The following FHIT variants were observed in gnomAD, a reference collection of about 807,000 sequenced individuals.
The protein encoded by FHIT is fragile histidine triad diadenosine triphosphatase, also known as bis(5'-adenosyl)-triphosphatase.
In FHIT, 19 loss-of-function variants were observed where a neutral mutation model predicts 17.9. That is an observed-to-expected ratio of 1.06 (90% CI 0.74 to 1.56). The LOEUF (loss-of-function observed/expected upper bound fraction) is 1.56. FHIT is among the 40% of genes most tolerant of loss of function. The pLI, the probability that FHIT is intolerant of heterozygous loss-of-function variation, is 0.00. For missense variants in FHIT, 248 were observed against 189.2 expected, an observed-to-expected ratio of 1.31 and a Z score of -1.82; for synonymous variants, 81 against 69.7, an observed-to-expected ratio of 1.16 and a Z score of -0.81.
chr3:61,186,589 G>A (rs1446500569), intron 2 of FHIT, among the ~76,000 whole-genome samples: 5 of 152,154 alleles, frequency 3.3e-5, no homozygotes, highest in African/African-American at 2.4e-5. Context: ...CTTTAGGATG[G>A]GATGCTGAGA....
At chr3:60,688,639 C>T (rs547458822) in intron 4 of FHIT, among the ~76,000 whole-genome samples, 1 of 151,854 alleles carries the variant, frequency 6.6e-6, no homozygotes, top group Non-Finnish European at 1.5e-5. Context: ...TCCATATTGG[C>T]CAGGCTGGTC....
At chr3:60,434,568 G>C (rs2030038116) in intron 5 of FHIT, among the ~76,000 whole-genome samples, 1 of 152,022 alleles carries the variant, frequency 6.6e-6, no homozygotes, top group African/African-American at 2.4e-5. Context: ...CCTTGCCACT[G>C]AAAATGCTAC....
At chr3:60,437,712 C>T (rs2030401843) in intron 5 of FHIT, among the ~76,000 whole-genome samples, 1 of 152,020 alleles carries the variant, frequency 6.6e-6, no homozygotes, top group African/African-American at 2.4e-5. Flanking sequence ...GTATGTAGTT[C>T]TAAGATATAA....
intron 4 of FHIT, among the ~76,000 whole-genome samples, chr3:60,582,337 G>A (rs893385883): frequency 6.6e-6 from 1 of 152,052 alleles, no homozygotes; most frequent in Non-Finnish European, 1.5e-5. Flanking sequence ...GCAGACTGGT[G>A]GCATTCAGAG....
At chr3:60,310,062 G>T (rs371377332) in intron 5 of FHIT, among the ~76,000 whole-genome samples, 2 of 152,254 alleles carry the variant, frequency 1.3e-5, no homozygotes, top group East Asian at 1.9e-4. Context: ...CATGCAGGCA[G>T]AGCAGGCAGG....
chr3:59,986,530 T>TAC (rs1559523573), intron 7 of FHIT, among the ~76,000 whole-genome samples: 26 of 4,456 alleles, frequency 5.8e-3, no homozygotes, highest in African/African-American at 0.016. Context: ...TATATATATA[T>TAC]ATATATATAT....
chr3:60,063,311 T>G (rs1702368742), intron 5 of FHIT, among the ~76,000 whole-genome samples: 2 of 152,186 alleles, frequency 1.3e-5, no homozygotes, highest in Non-Finnish European at 2.9e-5. Flanking sequence ...TAAATGAGAC[T>G]GAATATAAGC....
intron 7 of FHIT, among the ~76,000 whole-genome samples, chr3:59,941,540 G>C (rs1329839109): frequency 6.6e-6 from 1 of 152,092 alleles, no homozygotes; most frequent in Non-Finnish European, 1.5e-5. Flanking sequence ...CTCCTGTTGT[G>C]GGTACTGTGT....
At chr3:61,044,841 G>A (rs1475138286) in intron 2 of FHIT, among the ~76,000 whole-genome samples, 3 of 152,196 alleles carry the variant, frequency 2.0e-5, no homozygotes, top group African/African-American at 7.2e-5. Flanking sequence ...CATTCTTAAA[G>A]AAAAGAATTT....
intron 4 of FHIT, among the ~76,000 whole-genome samples, chr3:60,770,244 G>A (rs1178749689): frequency 6.6e-6 from 1 of 151,648 alleles, no homozygotes; most frequent in Non-Finnish European, 1.5e-5. Context: ...TCAGAGCAAG[G>A]TATTATAACT....
chr3:60,612,576 T>C (rs529531941), intron 4 of FHIT, among the ~76,000 whole-genome samples: 151 of 152,338 alleles, frequency 9.9e-4, no homozygotes, highest in Middle Eastern at 3.4e-3. Context: ...TTAAAAACAT[T>C]TGTGCCCTTC....
At chr3:60,168,740 C>A (rs1701289707) in intron 5 of FHIT, among the ~76,000 whole-genome samples, 2 of 152,166 alleles carry the variant, frequency 1.3e-5, no homozygotes. Flanking sequence ...TGGTATATCT[C>A]CTGTAACTTG....
chr3:59,997,048 A>T (rs924236818), intron 7 of FHIT, among the ~76,000 whole-genome samples: 1 of 152,164 alleles, frequency 6.6e-6, no homozygotes, highest in African/African-American at 2.4e-5. Flanking sequence ...GCTCATGTTC[A>T]AAAAGCATTT....
chr3:60,189,196 AG>A (rs1702290534), intron 5 of FHIT, among the ~76,000 whole-genome samples: 1 of 151,950 alleles, frequency 6.6e-6, no homozygotes, highest in Non-Finnish European at 1.5e-5. Context: ...AATAAATGAA[AG>A]GGAAAAAAAA....
chr3:60,183,032 T>G (rs941871845), intron 5 of FHIT, among the ~76,000 whole-genome samples: 1 of 152,144 alleles, frequency 6.6e-6, no homozygotes, highest in African/African-American at 2.4e-5. Context: ...GGATATGTAG[T>G]TCTTTCTCTC....
chr3:60,398,436 C>A (rs1056119456), intron 5 of FHIT, among the ~76,000 whole-genome samples: 4 of 152,056 alleles, frequency 2.6e-5, no homozygotes, highest in Non-Finnish European at 5.9e-5. Flanking sequence ...AAGTAATAAT[C>A]GTGTGTGTAA....
chr3:59,818,707 A>G (rs1369272661), intron 8 of FHIT, among the ~76,000 whole-genome samples: 1 of 152,190 alleles, frequency 6.6e-6, no homozygotes, highest in Admixed American at 6.5e-5. Flanking sequence ...GTCTCAGAAG[A>G]CCGGGCCGAC....
chr3:60,306,597 G>C (rs921334940), intron 5 of FHIT, among the ~76,000 whole-genome samples: 3 of 152,066 alleles, frequency 2.0e-5, no homozygotes, highest in Non-Finnish European at 4.4e-5. Context: ...TTTCCATCAG[G>C]AACAACTGTT....
intron 2 of FHIT, among the ~76,000 whole-genome samples, chr3:61,164,269 GA>G (rs1261421939): frequency 6.6e-6 from 1 of 152,162 alleles, no homozygotes; most frequent in Non-Finnish European, 1.5e-5. Context: ...TTTTGAACCT[GA>G]ACAAAGGCAA....
Sources: allele counts gnomAD v4.1 joint callset (sites outside exome capture counted in the v4.1 genomes callset), GRCh38; gene constraint gnomAD v4.1.1; transcripts MANE v1.5; gene names NCBI Gene and HGNC (gene_info 2026-07-23, HGNC 2026-07-21).